The following ETFA variants were observed in gnomAD, a reference collection of about 807,000 sequenced individuals.
The protein encoded by ETFA is electron transfer flavoprotein subunit alpha, mitochondrial.
Under a neutral mutation model 46.2 loss-of-function variants are expected in ETFA, and 22 were observed. The ratio of observed to expected loss-of-function variants is 0.48; its 90% CI spans 0.34 to 0.68. ETFA has a LOEUF of 0.68. Among genes scored for constraint, ETFA ranks in the 30% least tolerant of loss-of-function variants. The pLI is 0.01. For synonymous variants in ETFA, 131 were observed against 139.9 expected (o/e 0.94, Z 0.45); for missense variants, 345 against 401.1 (o/e 0.86, Z 1.19).
chr15:76,260,904 C>T, intron 9 of ETFA: 1 of 1,611,938 alleles, frequency 6.2e-7, no homozygotes, highest in Non-Finnish European at 8.5e-7. Flanking sequence ...GACTTCCCAG[C>T]CTCCTGGGGC....
intron 9 of ETFA, chr15:76,260,461 G>A: frequency 1.9e-6 from 3 of 1,571,554 alleles, no homozygotes; most frequent in Middle Eastern, 2.1e-4. Context: ...TGGCCTGCAT[G>A]GTCATGAGAA....
intron 9 of ETFA, among the ~76,000 whole-genome samples, chr15:76,254,562 G>A (rs913340666): frequency 6.6e-6 from 1 of 152,110 alleles, no homozygotes; most frequent in Non-Finnish European, 1.5e-5. Flanking sequence ...AACCCCGAGA[G>A]CCCCAAGACC....
At chr15:76,227,072 G>A (rs529217233) in intron 10 of ETFA, among the ~76,000 whole-genome samples, 36 of 152,134 alleles carry the variant, frequency 2.4e-4, no homozygotes, top group African/African-American at 8.7e-4. Flanking sequence ...TATAAAAGCT[G>A]TCAAACATTT....
intron 4 of ETFA, among the ~76,000 whole-genome samples, chr15:76,288,769 G>A (rs1157735641): frequency 1.3e-5 from 2 of 151,060 alleles, no homozygotes; most frequent in Non-Finnish European, 2.9e-5. Context: ...AGCCTGTGTA[G>A]TACATATTTA....
At chr15:76,259,236 T>C in intron 9 of ETFA, 1 of 1,556,072 alleles carries the variant, frequency 6.4e-7, no homozygotes, top group Admixed American at 1.7e-5. Flanking sequence ...CTTGGCTCTC[T>C]CGATGTTGAT....
At chr15:76,232,345 C>T (rs746511874) in intron 9 of ETFA, among the ~76,000 whole-genome samples, 3 of 152,204 alleles carry the variant, frequency 2.0e-5, no homozygotes, top group Admixed American at 6.5e-5. Flanking sequence ...TAAAGCTTCA[C>T]TTGAAAACCT....
At chr15:76,288,945 G>T (rs1490331734) in intron 4 of ETFA, among the ~76,000 whole-genome samples, 1 of 66,210 alleles carries the variant, frequency 1.5e-5, no homozygotes, top group African/African-American at 4.8e-5. Context: ...TGGAAACAGG[G>T]TCTCATTCTG....
chr15:76,225,840 C>T lies in ETFA; in HGVS notation c.963+9G>A. 2 of 1,571,000 alleles carry T rather than the reference C, an allele frequency of 1.3e-6. No individual in the cohort carries two copies. The highest frequency in any genetic ancestry group is 4.5e-5 in the East Asian group (2 of 44,590). On this transcript the variant is annotated intron_variant, in intron 11 of 11. Transcript: ENST00000557943. The stretch of plus-strand genomic sequence containing the variant: ...TAGATAATAGCAATTTCTCTCAAGG[C>T]CAGCTTACCTTAAATAAATCTGCAA...
intron 9 of ETFA, among the ~76,000 whole-genome samples, chr15:76,236,259 C>T (rs577833524): frequency 1.3e-5 from 2 of 152,144 alleles, no homozygotes; most frequent in Admixed American, 6.5e-5. Flanking sequence ...CAGAGTTATT[C>T]GATACATCTA....
intron 1 of ETFA, among the ~76,000 whole-genome samples, chr15:76,305,687 A>G (rs1194617537): frequency 6.6e-6 from 1 of 152,174 alleles, no homozygotes. Context: ...TCTTGAAAAT[A>G]ATTTCCACAG....
chr15:76,291,230 G>T (rs1295946730), intron 4 of ETFA, among the ~76,000 whole-genome samples: 1 of 151,864 alleles, frequency 6.6e-6, no homozygotes, highest in South Asian at 2.1e-4. Context: ...ATCACCTGAG[G>T]TCAGGAGTTC....
At chr15:76,257,152 G>A (rs1459128986) in intron 9 of ETFA, among the ~76,000 whole-genome samples, 5 of 152,054 alleles carry the variant, frequency 3.3e-5, no homozygotes, top group African/African-American at 7.2e-5. Context: ...GTTAGGACCC[G>A]CCCCATGCAT....
chr15:76,247,026 T>A (rs547595736), intron 9 of ETFA, among the ~76,000 whole-genome samples: 1 of 152,174 alleles, frequency 6.6e-6, no homozygotes, highest in South Asian at 2.1e-4. Flanking sequence ...TGAAACTGCC[T>A]AAACAAGTGG....
rs562212959 is a variant in ETFA, at chr15:76,228,900, G to A, written c.882+2433C>T. On this transcript the variant is annotated intron_variant, in intron 10 of 11. Transcript: ENST00000557943. ...CTCCCAAGTAGCTGGGACCACAGGC[G>A]CCCGCCACCATGCCCAGCTAATTTT... The A allele has an allele frequency of 5.7e-3, 877 of 153,502 alleles. 10 individuals are homozygous for A. Among genetic ancestry groups the A allele is most frequent in the African/African-American group, 0.021 (849 of 41,346 alleles). The allele number at this position is 153,502 out of a possible 1,614,324, so 9.5% of individuals were successfully genotyped here. A position where few individuals can be genotyped will look rare whatever the true frequency, so the allele number is the denominator to read the frequency against.
chr15:76,222,233 TATA>T (rs1413551225), intron 11 of ETFA, among the ~76,000 whole-genome samples: 2 of 148,382 alleles, frequency 1.3e-5, no homozygotes, highest in African/African-American at 4.9e-5. Flanking sequence ...AATTTTAAAA[TATA>T]ATTACAATAC....
chr15:76,290,628 G>T (rs1330873214), intron 4 of ETFA, among the ~76,000 whole-genome samples: 1 of 151,866 alleles, frequency 6.6e-6, no homozygotes, highest in Non-Finnish European at 1.5e-5. Context: ...GTCAGCCACC[G>T]CACCCTGCCC....
At chr15:76,297,807 T>A (rs2039840460) in intron 1 of ETFA, among the ~76,000 whole-genome samples, 2 of 152,214 alleles carry the variant, frequency 1.3e-5, no homozygotes, top group South Asian at 4.1e-4. Context: ...GTACTCTATT[T>A]TATTGACTCC....
At chr15:76,277,566 G>A (rs1287788215) in intron 8 of ETFA, among the ~76,000 whole-genome samples, 1 of 151,816 alleles carries the variant, frequency 6.6e-6, no homozygotes, top group African/African-American at 2.4e-5. Flanking sequence ...ACAGTGGTAC[G>A]ATCTTGGCTC....
chr15:76,277,836 T>G (rs541026658), intron 8 of ETFA, among the ~76,000 whole-genome samples: 2 of 152,230 alleles, frequency 1.3e-5, no homozygotes, highest in Non-Finnish European at 2.9e-5. Context: ...CCTCCAACAA[T>G]TCATCAACAA....
Sources: gnomAD v4.1 joint callset for allele counts (sites outside exome capture counted in the v4.1 genomes callset) on GRCh38, gnomAD v4.1.1 for gene constraint, MANE v1.5 for transcripts, NCBI Gene and HGNC (gene_info 2026-07-23, HGNC 2026-07-21) for gene names.